Variants in BACH1 observed in about 807,000 individuals in gnomAD.
BACH1 encodes BTB domain and CNC homolog 1, also known as transcription regulator protein BACH1.
BACH1 carries 35 observed loss-of-function variants against 52.9 expected under a neutral mutation model. The observed-to-expected ratio is 0.66, with a 90% CI of 0.51 to 0.88. The LOEUF (loss-of-function observed/expected upper bound fraction) is 0.88. Among genes scored for constraint, BACH1 ranks in the 40% least tolerant of loss-of-function variants. The pLI is 0.00. For synonymous variants in BACH1, 321 were observed against 319.6 expected (o/e 1.00, Z -0.05); for missense variants, 808 against 872.6 (o/e 0.93, Z 0.93).
chr21:29,339,078 C>T (rs1463015096), intron 4 of BACH1, among the ~76,000 whole-genome samples: 3 of 152,148 alleles, frequency 2.0e-5, no homozygotes, highest in Non-Finnish European at 2.9e-5. Context: ...TGGGATCCTG[C>T]AGTGAATAAC....
intron 1 of BACH1, among the ~76,000 whole-genome samples, chr21:29,318,364 T>TGAG (rs935981828): frequency 6.6e-6 from 1 of 152,158 alleles, no homozygotes; most frequent in Non-Finnish European, 1.5e-5. Flanking sequence ...GAGGAAGGAA[T>TGAG]GAGGAGTGAG....
intron 1 of BACH1, among the ~76,000 whole-genome samples, chr21:29,319,561 C>T (rs566378327): frequency 6.6e-6 from 1 of 151,712 alleles, no homozygotes; most frequent in African/African-American, 2.4e-5. Context: ...TACCAAGAGC[C>T]TGCGACTGCA....
At chr21:29,354,014 T>C (rs898894760) in intron 2 of BACH1, among the ~76,000 whole-genome samples, 1 of 152,116 alleles carries the variant, frequency 6.6e-6, no homozygotes, top group Non-Finnish European at 1.5e-5. Context: ...ATCTGAGATT[T>C]ACCCTCAGGT....
Position 29,327,192 on chromosome 21 carries a change from A to G in BACH1, c.1368A>G (p.Leu456=), listed in dbSNP as rs145991657. The change falls in exon 3 of 5, where the codon TTA becomes TTG. Residue 456 remains leucine, a synonymous_variant. Coordinates refer to ENST00000286800, the MANE Select transcript of BACH1 (RefSeq NM_001186.4). ...CAGGTCAAAGGACTTTCACAACATT[A>G]AGTTCTGTCAACTGCCCTTTTATAA... is the stretch of plus-strand genomic sequence containing the variant. ...PEPGQRTFTT[L]SSVNCPFIST... 28 of 1,614,094 alleles carry G rather than the reference A, an allele frequency of 1.7e-5. No homozygotes were observed. In the African/African-American group the frequency reaches 3.3e-4, roughly 19 times the overall value.
At chr21:29,358,741 G>GA (rs1261919747) in intron 2 of BACH1, among the ~76,000 whole-genome samples, 4 of 77,502 alleles carry the variant, frequency 5.2e-5, no homozygotes, top group Admixed American at 1.4e-4. Context: ...CTCTGTCTCA[G>GA]AAAAAAAGAA....
In BACH1 at chr21:29,342,670, G is replaced by A; in HGVS notation, c.2048G>A (p.Cys683Tyr). ...SDRPPAVLPP[C>Y]ARGNSEPGYA... The stretch of plus-strand genomic sequence containing the variant: ...CGGCCTCCAGCAGTGCTGCCTCCCT[G>A]TGCCAGAGGAAACAGTGAGCCTGGC... Residue 683 changes from cysteine (C) to tyrosine (Y), a missense_variant, in exon 5 of 5, where the codon TGT (cysteine) becomes TAT (tyrosine). Transcript: ENST00000286800. 6.2e-7 allele frequency: 1 copy of A among 1,614,182 alleles called. No individual in the cohort carries two copies. The highest frequency in any genetic ancestry group is 1.3e-5 in the African/African-American group (1 of 75,044).
chr21:29,320,875 T>C (rs981109136), intron 1 of BACH1, among the ~76,000 whole-genome samples: 26 of 152,138 alleles, frequency 1.7e-4, no homozygotes, highest in African/African-American at 5.8e-4. Flanking sequence ...CTCTCAACTG[T>C]CTCAAAACAA....
rs556739830 is a variant in BACH1, at chr21:29,339,289, T to C, written c.1777-3110T>C. On this transcript the variant is annotated intron_variant, in intron 4 of 4. Transcript: ENST00000286800. Reference sequence around the variant, plus strand: ...CCCTCAGTCAAGATTTGTTGTCAGCTTTTGGGTTTTTTCCAGTCTGATAGT... The same window carrying C: ...CCCTCAGTCAAGATTTGTTGTCAGCCTTTGGGTTTTTTCCAGTCTGATAGT... Among the ~76,000 whole-genome samples the C allele has an allele frequency of 9.8e-5, 15 of 152,344 alleles. No individual in the cohort carries two copies. The South Asian group carries it at 3.1e-3, about 32-fold the overall frequency.
chr21:29,306,283 C>G (rs2123406635), intron 1 of BACH1, among the ~76,000 whole-genome samples: 1 of 151,562 alleles, frequency 6.6e-6, no homozygotes, highest in South Asian at 2.1e-4. Flanking sequence ...TGGCAAGTTC[C>G]TCTTATGGTT....
chr21:29,327,545 G>T (rs2088928692), intron 3 of BACH1, 152 bp downstream of exon 3: 2 of 1,165,618 alleles, frequency 1.7e-6, no homozygotes, highest in Non-Finnish European at 2.3e-6. Flanking sequence ...TGTGTGATAG[G>T]GCTGGGCGCA....
chr21:29,332,079 C>T (rs562001714), intron 4 of BACH1, among the ~76,000 whole-genome samples: 3 of 152,118 alleles, frequency 2.0e-5, no homozygotes, highest in Admixed American at 6.5e-5. Flanking sequence ...ATTACAGGCA[C>T]GTGCCACCAC....
intron 2 of BACH1, among the ~76,000 whole-genome samples, chr21:29,324,721 T>G (rs556999812): frequency 1.3e-5 from 2 of 152,286 alleles, no homozygotes; most frequent in East Asian, 3.9e-4. Context: ...TTCTCTGGGA[T>G]AAAAGACCAG....
chr21:29,324,017 C>T (rs774522634), intron 2 of BACH1, among the ~76,000 whole-genome samples: 1 of 151,960 alleles, frequency 6.6e-6, no homozygotes, highest in Non-Finnish European at 1.5e-5. Context: ...TTTGGGAGGG[C>T]GAGGCAGGCA....
chr21:29,355,795 G>C (rs755671352), intron 2 of BACH1, among the ~76,000 whole-genome samples: 30 of 152,354 alleles, frequency 2.0e-4, no homozygotes, highest in South Asian at 6.2e-4. Flanking sequence ...AGAAAGGGGA[G>C]AAGCCATGTT....
chr21:29,316,856 T>A (rs986759020), intron 1 of BACH1, among the ~76,000 whole-genome samples: 1 of 152,252 alleles, frequency 6.6e-6, no homozygotes, highest in Non-Finnish European at 1.5e-5. Context: ...AGCTGGCCTC[T>A]TTTTTGTCCC....
At chr21:29,329,764 A>G in intron 4 of BACH1, 71 bp downstream of exon 4, 1 of 1,193,640 alleles carries the variant, frequency 8.4e-7, no homozygotes, top group Non-Finnish European at 1.1e-6. Context: ...ATAGTTTTTA[A>G]ATTTCTAGGT....
Position 29,329,708 on chromosome 21 carries a change from T to A in BACH1, c.1776+15T>A, listed in dbSNP as rs756165231. 6.8e-7 allele frequency: 1 copy of A among 1,479,822 alleles called. No individual in the cohort carries two copies. Among genetic ancestry groups the A allele is most frequent in the Admixed American group, 2.6e-5 (1 of 38,788 alleles). 91.7% of individuals were successfully genotyped at this position (1,479,822 alleles called of 1,614,324 possible). On this transcript the variant is annotated intron_variant, in intron 4 of 4. Coordinates refer to ENST00000286800, the MANE Select transcript of BACH1 (RefSeq NM_001186.4). ...TTGAGAAGCTGGTAAGTGTAAAAGT[T>A]TCTTGTTACTATTTAAATTCCACCA...
intron 1 of BACH1, among the ~76,000 whole-genome samples, chr21:29,303,436 G>C (rs1469565211): frequency 1.3e-5 from 2 of 152,228 alleles, no homozygotes; most frequent in African/African-American, 4.8e-5. Context: ...GAACTGGGTG[G>C]TATGATATGC....
At chr21:29,355,972 A>C (rs976312079) in intron 2 of BACH1, among the ~76,000 whole-genome samples, 1 of 152,336 alleles carries the variant, frequency 6.6e-6, no homozygotes, top group East Asian at 1.9e-4. Context: ...AGCAGTGAGG[A>C]GGTCTAGGCC....
Sources: allele counts gnomAD v4.1 joint callset (sites outside exome capture counted in the v4.1 genomes callset), GRCh38; gene constraint gnomAD v4.1.1; transcripts MANE v1.5; gene names NCBI Gene and HGNC (gene_info 2026-07-23, HGNC 2026-07-21).